Variants in NBPF26 observed in about 807,000 individuals in gnomAD.
The protein encoded by NBPF26 is NBPF family member NBPF26.
NBPF26 carries 79 observed loss-of-function variants against 119.6 expected under a neutral mutation model. The observed-to-expected ratio is 0.66, with a 90% CI of 0.55 to 0.80. The LOEUF is 0.80. NBPF26 is among the 30% of genes least tolerant of loss of function. The pLI is 0.00. For synonymous variants in NBPF26, 299 were observed against 457.7 expected (o/e 0.65, Z 4.43); for missense variants, 800 against 1,198.2 (o/e 0.67, Z 4.91).
Position 120,801,490 on chromosome 1 carries a change from C to T in NBPF26, c.752-4066C>T. Among the ~76,000 whole-genome samples, 2 of 81,562 alleles carry T rather than the reference C, an allele frequency of 2.5e-5. 1 individual carries two copies. Among genetic ancestry groups the T allele is most frequent in the African/African-American group, 1.8e-4 (2 of 10,828 alleles). 53.5% of individuals were successfully genotyped at this position (81,562 alleles called of 152,430 possible). On this transcript the variant is annotated intron_variant, in intron 4 of 29. Transcript: ENST00000620612. ...TAATAACAGTAATAAAGCAAGGTGT[C>T]TTTCCACATCTCCATGCCTTGTATT...
chr1:120,745,043 C>A (rs1650965270), intron 1 of NBPF26, among the ~76,000 whole-genome samples: 1 of 46,464 alleles, frequency 2.2e-5, no homozygotes, highest in Non-Finnish European at 3.6e-5. Flanking sequence ...TTGCTTGAGC[C>A]CCAGAGGTTG....
Position 120,814,685 on chromosome 1 carries a change from G to A in NBPF26, c.1878-144G>A, listed in dbSNP as rs1415275888. On this transcript the variant is annotated intron_variant, in intron 11 of 29. Coordinates refer to ENST00000620612, the Ensembl canonical transcript of NBPF26. ...TAAACCATTTTCTATTCTTTCTCTTGGCCACAGACATTCCTTTAAACATGT... is the reference window on the plus strand; with the variant it reads ...TAAACCATTTTCTATTCTTTCTCTTAGCCACAGACATTCCTTTAAACATGT... 5.5e-5 allele frequency: 34 copies of A among 621,658 alleles called. 5 individuals are homozygous for A. In the East Asian group the frequency reaches 8.9e-4, roughly 16 times the overall value. 38.5% of individuals were successfully genotyped at this position (621,658 alleles called of 1,614,324 possible). A position where few individuals can be genotyped will look rare whatever the true frequency, so the allele number is the denominator to read the frequency against.
exon 30 of NBPF26, chr1:120,840,560 G>C (rs1652495556): frequency 6.8e-7 from 1 of 1,466,156 alleles, no homozygotes; most frequent in Non-Finnish European, 9.2e-7. Context: ...GTCTCCACCT[G>C]GTGTTCCAGA....
rs1553273437 is a variant in NBPF26 at position 120,840,390 on chromosome 1, T to C, written c.4144T>C (p.Leu1382=). The change falls in exon 30 of 30, where the codon TTG becomes CTG. Residue 1382 remains leucine (L), a synonymous_variant. Coordinates refer to ENST00000620612, the Ensembl canonical transcript of NBPF26. ...GATGGAAGTGGAAGAGCCTGAAGTC[T>C]TGCAGGACTCACTGGATATATGTTA... The C allele has an allele frequency of 1.5e-5, 22 of 1,463,696 alleles. 5 individuals carry two copies. In the African/African-American group the frequency reaches 3.6e-4, roughly 24 times the overall value. The allele number at this position is 1,463,696 out of a possible 1,614,324, so 90.7% of individuals were successfully genotyped here. A position where few individuals can be genotyped will look rare whatever the true frequency, so the allele number is the denominator to read the frequency against.
intron 15 of NBPF26, among the ~76,000 whole-genome samples, chr1:120,820,497 C>A (rs1652111472): frequency 4.6e-5 from 1 of 21,624 alleles, no homozygotes; most frequent in Non-Finnish European, 9.7e-5. Context: ...TATACATACA[C>A]ACAAAAAATA....
In NBPF26 at chr1:120,840,323, C is replaced by A. The variant is rs1553273390; in HGVS notation, c.4104-27C>A. ...TGTGGTGTCCGATTTTCCCTGGCTG[C>A]TTCTTTAGTTTTGTCTCCTTTTGCA... On this transcript the variant is annotated intron_variant, in intron 29 of 29. Transcript: ENST00000620612. 3.7e-5 allele frequency: 53 copies of A among 1,444,228 alleles called. 12 individuals carry two copies. The highest frequency in any genetic ancestry group is 1.8e-6 in the Non-Finnish European group (2 of 1,082,618). The allele number at this position is 1,444,228 out of a possible 1,614,324, so 89.5% of individuals were successfully genotyped here. A position where few individuals can be genotyped will look rare whatever the true frequency, so the allele number is the denominator to read the frequency against.
In NBPF26 at chr1:120,823,344, G is replaced by C. The variant is rs1553272251; in HGVS notation, c.2623G>C (p.Glu875Gln). ...GGATCAAGTGAAAAAGGAGGACCAC[G>C]AGGCAACAGGTCCCAGGTGAGTCTG... is the stretch of plus-strand genomic sequence containing the variant. Residue 875 changes from glutamate (E) to glutamine (Q), a missense_variant, in exon 17 of 30, where the codon GAG becomes CAG. Transcript: ENST00000620612. 2.0e-5 allele frequency: 28 copies of C among 1,420,942 alleles called. 6 individuals carry two copies. Among genetic ancestry groups the C allele is most frequent in the Admixed American group, 9.6e-5 (5 of 52,028 alleles). The allele number at this position is 1,420,942 out of a possible 1,614,324, so 88.0% of individuals were successfully genotyped here. A position where few individuals can be genotyped will look rare whatever the true frequency, so the allele number is the denominator to read the frequency against.
rs1256884820 is a variant in NBPF26, at chr1:120,805,625, AG to A, written c.823del (p.Ala275GlnfsTer3). Reference sequence around the variant, plus strand: ...TCAGCCGGCCATTGGTCCAGTGAGAAGGCAGAGATGAACATTCTAGAAATCA... The same window carrying A: ...TCAGCCGGCCATTGGTCCAGTGAGAAGCAGAGATGAACATTCTAGAAATCA... On this transcript the variant is annotated frameshift_variant, in exon 5 of 30. Transcript: ENST00000620612. LOFTEE classifies it high-confidence loss of function. 6.8e-7 allele frequency: 1 copy of A among 1,463,138 alleles called. No individual in the cohort carries two copies. Among genetic ancestry groups the A allele is most frequent in the Non-Finnish European group, 9.2e-7 (1 of 1,081,928 alleles). 90.6% of individuals were successfully genotyped at this position (1,463,138 alleles called of 1,614,324 possible). A position where few individuals can be genotyped will look rare whatever the true frequency, so the allele number is the denominator to read the frequency against.
rs1245251223 is a variant in NBPF26, at chr1:120,778,339, G to T, written c.156-6635G>T. Among the ~76,000 whole-genome samples the T allele has an allele frequency of 4.4e-5, 4 of 91,374 alleles. 1 individual carries two copies. Among genetic ancestry groups the T allele is most frequent in the Non-Finnish European group, 3.9e-5 (2 of 51,492 alleles). The allele number at this position is 91,374 out of a possible 152,430, so 59.9% of individuals were successfully genotyped here. Reference sequence around the variant, plus strand: ...GAGGCCCAGCGCAAGAAGAAAGTGGGTTGAAAGCAGAGTTCTGTTCAAAGA... The same window carrying T: ...GAGGCCCAGCGCAAGAAGAAAGTGGTTTGAAAGCAGAGTTCTGTTCAAAGA... On this transcript the variant is annotated intron_variant, in intron 2 of 29. Coordinates refer to ENST00000620612, the Ensembl canonical transcript of NBPF26.
chr1:120,804,749 T>G lies in NBPF26; in HGVS notation c.752-807T>G, dbSNP rs1651638246. Among the ~76,000 whole-genome samples the G allele has an allele frequency of 3.4e-5, 4 of 116,824 alleles. 1 individual carries two copies. In the South Asian group the frequency reaches 9.9e-4, roughly 29 times the overall value. 76.6% of individuals were successfully genotyped at this position (116,824 alleles called of 152,430 possible). On this transcript the variant is annotated intron_variant, in intron 4 of 29. Transcript: ENST00000620612. ...AGGGATGTCAAACTGGTCTAGAATGTAATGAAAACCCAAGAAGGTGCCCCA... is the reference window on the plus strand; with the variant it reads ...AGGGATGTCAAACTGGTCTAGAATGGAATGAAAACCCAAGAAGGTGCCCCA...
rs1257789946 is a variant in NBPF26 at position 120,785,172 on chromosome 1, C to T, written c.354C>T (p.Gly118=). Residue 118 remains glycine (G), a synonymous_variant, in exon 3 of 30, where the codon GGC becomes GGT. Transcript: ENST00000620612. ...TTGTGTCTCGACCTTGCCTGAATGG[C>T]GGCACATGCCATATGCTCAGCCGGG... 7.6e-5 allele frequency: 110 copies of T among 1,445,678 alleles called. 19 individuals are homozygous for T. The highest frequency in any genetic ancestry group is 4.7e-4 in the East Asian group (20 of 42,890). 89.6% of individuals were successfully genotyped at this position (1,445,678 alleles called of 1,614,324 possible). A position where few individuals can be genotyped will look rare whatever the true frequency, so the allele number is the denominator to read the frequency against.
exon 4 of NBPF26, chr1:120,793,336 C>T: frequency 7.2e-7 from 1 of 1,396,776 alleles, no homozygotes; most frequent in Non-Finnish European, 9.6e-7. Flanking sequence ...ATGGTGGCAC[C>T]TGCCTCAACC....
rs1339424381 is a variant in NBPF26, at chr1:120,819,260, G to A, written c.2423+1086G>A. Among the ~76,000 whole-genome samples the A allele has an allele frequency of 4.2e-5, 5 of 118,400 alleles. 2 individuals are homozygous for A. The highest frequency in any genetic ancestry group is 8.3e-5 in the Non-Finnish European group (5 of 60,468). 77.7% of individuals were successfully genotyped at this position (118,400 alleles called of 152,430 possible). ...GCCTTCTTTGTCTCTTTTGATCTTT[G>A]TTGGTTTAAAGTCTGTTTTATCAGA... On this transcript the variant is annotated intron_variant, in intron 15 of 29. Coordinates refer to ENST00000620612, the Ensembl canonical transcript of NBPF26.
In NBPF26 at chr1:120,767,744, C is replaced by G. The variant is rs1380745875; in HGVS notation, c.155+4035C>G. Among the ~76,000 whole-genome samples, 3 of 115,896 alleles carry G rather than the reference C, an allele frequency of 2.6e-5. 1 individual carries two copies. Among genetic ancestry groups the G allele is most frequent in the Non-Finnish European group, 4.9e-5 (3 of 60,796 alleles). 76.0% of individuals were successfully genotyped at this position (115,896 alleles called of 152,430 possible). Reference sequence around the variant, plus strand: ...ATCACTTTCAAGTTGTTGTTTGCTTCAGACTTTCAAATATAAACCATTCTA... The same window carrying G: ...ATCACTTTCAAGTTGTTGTTTGCTTGAGACTTTCAAATATAAACCATTCTA... On this transcript the variant is annotated intron_variant, in intron 2 of 29. Transcript: ENST00000620612.
chr1:120,840,392 G>C lies in NBPF26; in HGVS notation c.4146G>C (p.Leu1382Phe), dbSNP rs77143638. The C allele has an allele frequency of 4.1e-6, 6 of 1,463,554 alleles. No homozygotes were observed. The East Asian group carries it at 1.1e-4, about 28-fold the overall frequency. 90.7% of individuals were successfully genotyped at this position (1,463,554 alleles called of 1,614,324 possible). The change falls in exon 30 of 30, where the codon TTG (leucine) becomes TTC (phenylalanine). Residue 1382 changes from leucine (L) to phenylalanine (F), a missense_variant. This residue lies in a region of NBPF26 where 155 missense variants were observed against 95.9 expected (regional missense o/e 1.62). Coordinates refer to ENST00000620612, the Ensembl canonical transcript of NBPF26. ...TGGAAGTGGAAGAGCCTGAAGTCTT[G>C]CAGGACTCACTGGATATATGTTATT...
Position 120,802,758 on chromosome 1 carries a change from G to T in NBPF26, c.752-2798G>T, listed in dbSNP as rs1303162492. Among the ~76,000 whole-genome samples the T allele has an allele frequency of 2.5e-5, 3 of 118,276 alleles. 1 individual carries two copies. Among genetic ancestry groups the T allele is most frequent in the Non-Finnish European group, 4.9e-5 (3 of 61,116 alleles). The allele number at this position is 118,276 out of a possible 152,430, so 77.6% of individuals were successfully genotyped here. On this transcript the variant is annotated intron_variant, in intron 4 of 29. Transcript: ENST00000620612. ...TAACTAGAAACTCGAAATTTAACAG[G>T]TTCTTTCAGTTTCAGGACAGTTGTG...
chr1:120,733,071 G>A (rs1650880926), intron 1 of NBPF26, among the ~76,000 whole-genome samples: 1 of 57,700 alleles, frequency 1.7e-5, no homozygotes, highest in African/African-American at 1.8e-4. Flanking sequence ...ATACGTCTTT[G>A]GTTTTTTTAC....
In NBPF26 at chr1:120,819,508, T is replaced by G. The variant is rs1215475887; in HGVS notation, c.2423+1334T>G. On this transcript the variant is annotated intron_variant, in intron 15 of 29. Coordinates refer to ENST00000620612, the Ensembl canonical transcript of NBPF26. ...AAGGTTAATATTGTTATGTGTGAAT[T>G]TGATCCTGTCGTTATGATGTTAGCT... Among the ~76,000 whole-genome samples, 4 of 100,828 alleles carry G rather than the reference T, an allele frequency of 4.0e-5. 1 individual carries two copies. Among genetic ancestry groups the G allele is most frequent in the Middle Eastern group, 7.8e-3 (2 of 258 alleles). 66.1% of individuals were successfully genotyped at this position (100,828 alleles called of 152,430 possible). A position where few individuals can be genotyped will look rare whatever the true frequency, so the allele number is the denominator to read the frequency against.
chr1:120,730,272 T>C (rs1650861415), intron 1 of NBPF26, among the ~76,000 whole-genome samples: 1 of 39,688 alleles, frequency 2.5e-5, no homozygotes, highest in Non-Finnish European at 4.3e-5. Flanking sequence ...GTCGGCAGTT[T>C]CCCTCAGATG....
Sources: gnomAD v4.1 joint callset for allele counts (sites outside exome capture counted in the v4.1 genomes callset) on GRCh38, gnomAD v4.1.1 for gene constraint, gnomAD v4.1.1 regional missense constraint, MANE v1.5 for transcripts, NCBI Gene and HGNC (gene_info 2026-07-23, HGNC 2026-07-21) for gene names.